Variants in CHEK2 observed in about 807,000 individuals in gnomAD.
CHEK2 encodes serine/threonine-protein kinase Chk2.
Under a neutral mutation model 69.1 loss-of-function variants are expected in CHEK2, and 71 were observed. That is an observed-to-expected ratio of 1.03 (90% CI 0.85 to 1.25). The LOEUF (loss-of-function observed/expected upper bound fraction) is 1.25, where lower values mean the gene tolerates loss of function less well. Among genes scored for constraint, CHEK2 ranks in the 50% most tolerant of loss-of-function variants. The pLI, the probability that CHEK2 is intolerant of heterozygous loss-of-function variation, is 0.00. For missense variants in CHEK2, 664 were observed against 649.6 expected (o/e 1.02, Z -0.24); for synonymous variants, 189 against 226.9 (o/e 0.83, Z 1.50).
At chr22:28,720,078 T>A (rs2053719971) in intron 4 of CHEK2, among the ~76,000 whole-genome samples, 1 of 146,984 alleles carries the variant, frequency 6.8e-6, no homozygotes, top group Admixed American at 7.5e-5. Context: ...TTGGGCTGTA[T>A]CTTAAAAAAA....
chr22:28,723,600 GGAAAAAAAAA>G (rs1170101743), intron 4 of CHEK2, among the ~76,000 whole-genome samples: 8 of 64,378 alleles, frequency 1.2e-4, no homozygotes, highest in East Asian at 6.3e-4. Context: ...TCCGTCACAA[GGAAAAAAAAA>G]GAAAAAAAAA....
intron 1 of CHEK2, among the ~76,000 whole-genome samples, chr22:28,741,032 C>T (rs1040309868): frequency 6.6e-6 from 1 of 151,444 alleles, no homozygotes; most frequent in East Asian, 1.9e-4. Context: ...TACCTATAAT[C>T]CCAGATACTT....
Position 28,710,003 on chromosome 22 carries a change from TA to T in CHEK2, c.846+2del. On this transcript the variant is annotated splice_donor_variant, in intron 7 of 14. Coordinates refer to ENST00000404276, the MANE Select transcript of CHEK2 (RefSeq NM_007194.4). LOFTEE classifies it high-confidence loss of function. ...TAAGTATGAGTCATATAATAATACTTACATGATTTAGCTTTTTCAAAATTTC... is the reference window on the plus strand; with the variant it reads ...TAAGTATGAGTCATATAATAATACTTCATGATTTAGCTTTTTCAAAATTTC... 6.8e-7 allele frequency: 1 copy of T among 1,468,772 alleles called. No individual in the cohort carries two copies. The highest frequency in any genetic ancestry group is 9.5e-7 in the Non-Finnish European group (1 of 1,050,386). 91.0% of individuals were successfully genotyped at this position (1,468,772 alleles called of 1,614,324 possible). A position where few individuals can be genotyped will look rare whatever the true frequency, so the allele number is the denominator to read the frequency against.
intron 13 of CHEK2, among the ~76,000 whole-genome samples, chr22:28,693,594 G>C (rs1207308745): frequency 2.0e-5 from 3 of 152,190 alleles, no homozygotes; most frequent in Non-Finnish European, 4.4e-5. Flanking sequence ...GGGCAGCCAA[G>C]TGGAACCAGA....
chr22:28,733,217 G>C (rs554184063), intron 2 of CHEK2, among the ~76,000 whole-genome samples: 1 of 152,296 alleles, frequency 6.6e-6, no homozygotes, highest in South Asian at 2.1e-4. Context: ...ACAAAAACAA[G>C]TAACAAGTAG....
In CHEK2 at chr22:28,702,248, A is replaced by AT. The variant is rs1285119069; in HGVS notation, c.908+1256dup. Among the ~76,000 whole-genome samples the AT allele has an allele frequency of 9.4e-5, 10 of 105,950 alleles. 1 individual carries two copies. The highest frequency in any genetic ancestry group is 8.0e-4 in the East Asian group (3 of 3,736). 69.5% of individuals were successfully genotyped at this position (105,950 alleles called of 152,430 possible). ...TTCTTTCTCTATTTTTTTTTTTTTAATTTTTTTTGAAACGGAGTCTCGCTC... is the reference window on the plus strand; with the variant it reads ...TTCTTTCTCTATTTTTTTTTTTTTAATTTTTTTTTGAAACGGAGTCTCGCTC... On this transcript the variant is annotated intron_variant, in intron 8 of 14. Transcript: ENST00000404276.
chr22:28,700,032 G>C, intron 8 of CHEK2, 95 bp from the exon 9 acceptor site: 1 of 784,022 alleles, frequency 1.3e-6, no homozygotes, highest in Non-Finnish European at 2.2e-6. Flanking sequence ...ATTAAGACAA[G>C]CAAACAGTTG....
At chr22:28,690,214 G>A (rs566109351) in intron 13 of CHEK2, among the ~76,000 whole-genome samples, 4 of 152,344 alleles carry the variant, frequency 2.6e-5, no homozygotes, top group Admixed American at 2.6e-4. Flanking sequence ...ACACTAGGTT[G>A]GGCATGGTGG....
intron 2 of CHEK2, among the ~76,000 whole-genome samples, chr22:28,732,133 T>C (rs1217774605): frequency 6.6e-6 from 1 of 151,298 alleles, no homozygotes; most frequent in Middle Eastern, 3.2e-3. Context: ...TTTTTTGAGA[T>C]GGAGTTTCGC....
intron 14 of CHEK2, among the ~76,000 whole-genome samples, chr22:28,688,223 A>G (rs571241511): frequency 6.6e-6 from 1 of 152,294 alleles, no homozygotes; most frequent in African/African-American, 2.4e-5. Flanking sequence ...AACGATGTAT[A>G]CTGAAAGCAA....
chr22:28,740,094 G>A (rs17884135), intron 1 of CHEK2, among the ~76,000 whole-genome samples: 1,685 of 152,212 alleles, frequency 0.011, 15 homozygotes, highest in Middle Eastern at 0.017. Flanking sequence ...CCAGCTACTC[G>A]GGAGGCTGAG....
rs184615702 is a variant in CHEK2, at chr22:28,721,805, A to C, written c.593-2320T>G. Among the ~76,000 whole-genome samples the C allele has an allele frequency of 3.9e-4, 60 of 152,102 alleles. No individual in the cohort carries two copies. The East Asian group carries it at 9.1e-3, about 23-fold the overall frequency. ...GAGTACAGTGGTGCAATCATGGCTC[A>C]CTGTAGCCTCGACCTCCCAGGCTCA... On this transcript the variant is annotated intron_variant, in intron 4 of 14. Transcript: ENST00000404276.
intron 1 of CHEK2, among the ~76,000 whole-genome samples, chr22:28,740,727 A>G (rs1033870371): frequency 3.3e-5 from 5 of 152,282 alleles, no homozygotes; most frequent in South Asian, 2.1e-4. Flanking sequence ...TAAAACATCA[A>G]TAAGTCTGAT....
chr22:28,721,295 T>G (rs937870430), intron 4 of CHEK2, among the ~76,000 whole-genome samples: 5 of 146,594 alleles, frequency 3.4e-5, no homozygotes, highest in Non-Finnish European at 7.5e-5. Flanking sequence ...TTTTTTTTTT[T>G]TTTTTTTTGA....
intron 2 of CHEK2, chr22:28,726,423 TTA>T (rs1311187770): frequency 1.4e-5 from 2 of 147,162 alleles, no homozygotes; most frequent in Non-Finnish European, 3.0e-5. Context: ...TTTATATTTA[TTA>T]TATATAATAT....
intron 7 of CHEK2, chr22:28,708,967 A>AC (rs767475767): frequency 1.4e-4 from 55 of 402,572 alleles, no homozygotes; most frequent in Middle Eastern, 3.6e-4. Flanking sequence ...AAAAAAAAAA[A>AC]AAAAAAACAA....
chr22:28,705,082 T>G (rs1281652034), intron 7 of CHEK2, among the ~76,000 whole-genome samples: 1 of 150,964 alleles, frequency 6.6e-6, no homozygotes, highest in Non-Finnish European at 1.5e-5. Context: ...CCAAATCTTT[T>G]TTTTTTTTTT....
chr22:28,738,229 G>T (rs958791759), intron 1 of CHEK2, among the ~76,000 whole-genome samples: 2 of 152,054 alleles, frequency 1.3e-5, no homozygotes, highest in Admixed American at 1.3e-4. Flanking sequence ...AGATACAAAG[G>T]TTCTGATGAG....
intron 2 of CHEK2, chr22:28,728,156 T>A (rs2054074333): frequency 6.6e-6 from 1 of 151,918 alleles, no homozygotes; most frequent in Non-Finnish European, 1.5e-5. Context: ...AAATCCAAAT[T>A]TAGTTAGTTA....
Sources: gnomAD v4.1 joint callset for allele counts (sites outside exome capture counted in the v4.1 genomes callset) on GRCh38, gnomAD v4.1.1 for gene constraint, MANE v1.5 for transcripts, NCBI Gene and HGNC (gene_info 2026-07-23, HGNC 2026-07-21) for gene names.